CAMK2D: variants seen among roughly 807,000 people sequenced by gnomAD.
CAMK2D encodes the protein calcium/calmodulin dependent protein kinase II delta.
CAMK2D carries 37 observed loss-of-function variants against 84.0 expected under a neutral mutation model. The ratio of observed to expected loss-of-function variants is 0.44; its 90% CI spans 0.34 to 0.58. CAMK2D has a LOEUF of 0.58. Among genes scored for constraint, CAMK2D ranks in the 20% least tolerant of loss-of-function variants. The pLI is 0.02. For synonymous variants in CAMK2D, 202 were observed against 212.5 expected, an observed-to-expected ratio of 0.95 and a Z score of 0.43; for missense variants, 448 against 652.5, an observed-to-expected ratio of 0.69 and a Z score of 3.41.
chr4:113,500,408 CA>C, intron 16 of CAMK2D, 54 bp downstream of exon 16: 1 of 1,054,964 alleles, frequency 9.5e-7, no homozygotes, highest in Non-Finnish European at 1.4e-6. Context: ...CTTTTTTTTT[CA>C]TATATATATG....
intron 8 of CAMK2D, among the ~76,000 whole-genome samples, chr4:113,519,815 A>AGAT (rs1289808871): frequency 1.3e-5 from 2 of 152,200 alleles, no homozygotes; most frequent in African/African-American, 2.4e-5. Flanking sequence ...GCTATGAGGT[A>AGAT]GATATTGTTA....
intron 4 of CAMK2D, among the ~76,000 whole-genome samples, chr4:113,563,217 G>A (rs1365733153): frequency 6.6e-6 from 1 of 152,036 alleles, no homozygotes; most frequent in South Asian, 2.1e-4. Flanking sequence ...TCACGCCATT[G>A]CACTCCAGCC....
At chr4:113,671,574 A>G (rs1222098282) in intron 2 of CAMK2D, among the ~76,000 whole-genome samples, 2 of 152,304 alleles carry the variant, frequency 1.3e-5, no homozygotes, top group South Asian at 4.1e-4. Context: ...AAGCATGAAC[A>G]TTTTTGAGAT....
Position 113,672,416 on chromosome 4 carries a change from T to G in CAMK2D, c.161-10644A>C, listed in dbSNP as rs1178895891. Among the ~76,000 whole-genome samples the G allele has an allele frequency of 2.6e-5, 4 of 152,186 alleles. No individual in the cohort carries two copies. The East Asian group carries it at 7.7e-4, about 29-fold the overall frequency. ...ATGTATTTATTTTTAAGGGAAAAAGTCCTTATATCAGACATGCTACTTAAC... is the reference window on the plus strand; with the variant it reads ...ATGTATTTATTTTTAAGGGAAAAAGGCCTTATATCAGACATGCTACTTAAC... On this transcript the variant is annotated intron_variant, in intron 2 of 20. Transcript: ENST00000511664.
At chr4:113,519,421 T>C (rs953062554) in intron 8 of CAMK2D, among the ~76,000 whole-genome samples, 2 of 152,120 alleles carry the variant, frequency 1.3e-5, no homozygotes, top group African/African-American at 2.4e-5. Context: ...GCCCACAATT[T>C]AGCTGTTTGA....
At chr4:113,729,893 A>G (rs562749865) in intron 2 of CAMK2D, among the ~76,000 whole-genome samples, 3 of 152,302 alleles carry the variant, frequency 2.0e-5, no homozygotes, top group South Asian at 4.1e-4. Flanking sequence ...TCAGACACCA[A>G]ATCAACTAGG....
intron 16 of CAMK2D, among the ~76,000 whole-genome samples, chr4:113,486,129 A>ATT (rs34890867): frequency 1.1e-3 from 165 of 146,728 alleles, no homozygotes; most frequent in Non-Finnish European, 1.8e-3. Context: ...TCCTCCTTTG[A>ATT]TTTTTTTTTT....
chr4:113,740,377 A>G (rs2099589975), intron 2 of CAMK2D, among the ~76,000 whole-genome samples: 1 of 85,960 alleles, frequency 1.2e-5, no homozygotes, highest in South Asian at 3.5e-4. Flanking sequence ...TAAATGAAAG[A>G]AGCCAATCAG....
intron 2 of CAMK2D, among the ~76,000 whole-genome samples, chr4:113,689,075 T>G (rs2099372834): frequency 6.6e-6 from 1 of 151,732 alleles, no homozygotes; most frequent in African/African-American, 2.4e-5. Context: ...AAACCCCATC[T>G]CTACTAAAAA....
intron 16 of CAMK2D, among the ~76,000 whole-genome samples, chr4:113,494,186 A>G (rs896802318): frequency 2.0e-5 from 3 of 152,230 alleles, no homozygotes; most frequent in Non-Finnish European, 4.4e-5. Flanking sequence ...CTGGTGAGGA[A>G]CTGCGTTCCT....
rs575026024 is a variant in CAMK2D at position 113,531,411 on chromosome 4, A to G, written c.518-112T>C. 2.4e-5 allele frequency: 16 copies of G among 678,574 alleles called. No homozygotes were observed. The Middle Eastern group carries it at 7.8e-4, about 33-fold the overall frequency. The allele number at this position is 678,574 out of a possible 1,614,324, so 42.0% of individuals were successfully genotyped here. A position where few individuals can be genotyped will look rare whatever the true frequency, so the allele number is the denominator to read the frequency against. ...TCTTTATCTGATTATATGTTTTTCAAAACACAACAAGGTTCTCAGAGCAAT... is the reference window on the plus strand; with the variant it reads ...TCTTTATCTGATTATATGTTTTTCAGAACACAACAAGGTTCTCAGAGCAAT... On this transcript the variant is annotated intron_variant, in intron 7 of 20. Transcript: ENST00000511664.
At chr4:113,733,892 A>G (rs1367608107) in intron 2 of CAMK2D, among the ~76,000 whole-genome samples, 2 of 152,204 alleles carry the variant, frequency 1.3e-5, no homozygotes, top group African/African-American at 4.8e-5. Context: ...AATTTTGCTC[A>G]TGACTCAACC....
chr4:113,571,186 T>A (rs1343572115), intron 4 of CAMK2D, among the ~76,000 whole-genome samples: 1 of 152,216 alleles, frequency 6.6e-6, no homozygotes, highest in African/African-American at 2.4e-5. Context: ...GGTACACTAC[T>A]GGTGGGAATG....
At chr4:113,703,930 T>TC (rs1052153165) in intron 2 of CAMK2D, among the ~76,000 whole-genome samples, 21 of 150,978 alleles carry the variant, frequency 1.4e-4, no homozygotes, top group African/African-American at 4.6e-4. Context: ...GACCTTTTTT[T>TC]TTTTTTTTTT....
At chr4:113,717,744 C>T (rs547482048) in intron 2 of CAMK2D, among the ~76,000 whole-genome samples, 3 of 151,996 alleles carry the variant, frequency 2.0e-5, no homozygotes, top group Non-Finnish European at 4.4e-5. Context: ...ATTTTTATTT[C>T]CTTCGTAATA....
chr4:113,493,602 A>C (rs1032470109), intron 16 of CAMK2D, among the ~76,000 whole-genome samples: 11 of 151,600 alleles, frequency 7.3e-5, no homozygotes, highest in Non-Finnish European at 1.5e-4. Context: ...AACTTTGGTG[A>C]ATCTGACAAT....
chr4:113,760,270 C>G (rs2099638019), intron 1 of CAMK2D, among the ~76,000 whole-genome samples: 1 of 152,108 alleles, frequency 6.6e-6, no homozygotes, highest in African/African-American at 2.4e-5. Context: ...TTACACAATG[C>G]TAGGCTACGC....
chr4:113,730,776 A>C (rs2099566053), intron 2 of CAMK2D, among the ~76,000 whole-genome samples: 1 of 152,216 alleles, frequency 6.6e-6, no homozygotes, highest in African/African-American at 2.4e-5. Context: ...TCATTGGTTC[A>C]ACTCACTGAC....
intron 2 of CAMK2D, among the ~76,000 whole-genome samples, chr4:113,715,630 C>T (rs1455533773): frequency 3.3e-5 from 5 of 152,126 alleles, no homozygotes; most frequent in Non-Finnish European, 7.4e-5. Flanking sequence ...AGGATCAAGT[C>T]GGTTTGGGAA....
Sources: allele counts gnomAD v4.1 joint callset (sites outside exome capture counted in the v4.1 genomes callset), GRCh38; gene constraint gnomAD v4.1.1; transcripts MANE v1.5; gene names NCBI Gene and HGNC (gene_info 2026-07-23, HGNC 2026-07-21).